Variants in CAPN13 observed in about 807,000 individuals in gnomAD.
CAPN13 encodes the protein calpain-13.
A neutral mutation model predicts 98.4 loss-of-function variants in CAPN13; 90 were observed. The observed-to-expected ratio is 0.92, with a 90% confidence interval of 0.77 to 1.09. The LOEUF is 1.09. Ranked by LOEUF, CAPN13 falls within the 50% of genes least tolerant of loss-of-function variation. The pLI is 0.00. For synonymous variants in CAPN13, 330 were observed against 305.5 expected, an observed-to-expected ratio of 1.08 and a Z score of -0.84; for missense variants, 887 against 841.3, an observed-to-expected ratio of 1.05 and a Z score of -0.67.
At chr2:30,755,434 G>A (rs1244603552) in intron 8 of CAPN13, among the ~76,000 whole-genome samples, 1 of 152,150 alleles carries the variant, frequency 6.6e-6, no homozygotes, top group Admixed American at 6.5e-5. Flanking sequence ...TTAGGTGGGT[G>A]CAAAAGTAAT....
chr2:30,800,035 T>C lies in CAPN13; in HGVS notation c.-33+7267A>G, dbSNP rs373294397. ...CTTGCAGTGAGCCGAGATTGCGCCA[T>C]TGCACTCCAGCCTGGGCTACAGAGT... On this transcript the variant is annotated intron_variant, in intron 1 of 22. Coordinates refer to ENST00000295055, the MANE Select transcript of CAPN13 (RefSeq NM_144575.3). 3.0e-4 allele frequency among the ~76,000 whole-genome samples: 45 copies of C among 149,222 alleles called. No homozygotes were observed. The East Asian group carries it at 3.8e-3, about 13-fold the overall frequency.
intron 20 of CAPN13, 116 bp downstream of exon 20, chr2:30,732,322 C>T (rs751382504): frequency 2.5e-5 from 34 of 1,347,594 alleles, no homozygotes; most frequent in Non-Finnish European, 3.3e-5. Flanking sequence ...AGGCTGCTGG[C>T]CCACCCTGCT....
intron 11 of CAPN13, among the ~76,000 whole-genome samples, chr2:30,748,127 G>T (rs1672004143): frequency 6.6e-6 from 1 of 152,218 alleles, no homozygotes; most frequent in South Asian, 2.1e-4. Context: ...TTCTGTCTTA[G>T]CTCAGAAGAA....
chr2:30,764,308 T>G lies in CAPN13; in HGVS notation c.525-2A>C. 6.2e-7 allele frequency: 1 copy of G among 1,613,088 alleles called. No individual in the cohort carries two copies. Among genetic ancestry groups the G allele is most frequent in the Non-Finnish European group, 8.5e-7 (1 of 1,179,608 alleles). On this transcript the variant is annotated splice_acceptor_variant, in intron 5 of 22. Transcript: ENST00000295055. LOFTEE classifies it high-confidence loss of function. ...AGATCGGAATAGGATCCGAGCAGCC[T>G]GGGAGGGAATGGGGGATGAACCATC...
At position 30,734,308 on chromosome 2, in the gene CAPN13, T is replaced by G. The variant is rs866695201; in HGVS notation, c.1798+141A>C. 47 of 655,644 alleles carry G rather than the reference T, an allele frequency of 7.2e-5. 1 individual carries two copies. The Middle Eastern group carries it at 1.7e-3, about 23-fold the overall frequency. The allele number at this position is 655,644 out of a possible 1,614,324, so 40.6% of individuals were successfully genotyped here. A position where few individuals can be genotyped will look rare whatever the true frequency, so the allele number is the denominator to read the frequency against. On this transcript the variant is annotated intron_variant, in intron 19 of 22. Coordinates refer to ENST00000295055, the MANE Select transcript of CAPN13 (RefSeq NM_144575.3). ...CCGTGGAGGCCCCCCAGGGTCAGTG[T>G]GAACTGGGGAGGACACGAGAGCTGC...
At chr2:30,734,970 G>A (rs1042617243) in intron 18 of CAPN13, among the ~76,000 whole-genome samples, 3 of 152,214 alleles carry the variant, frequency 2.0e-5, no homozygotes, top group African/African-American at 4.8e-5. Context: ...TAATTACAGT[G>A]CCTACCTCAC....
intron 7 of CAPN13, 135 bp from the exon 8 acceptor site, chr2:30,758,272 T>C (rs886778390): frequency 1.6e-6 from 1 of 619,078 alleles, no homozygotes; most frequent in East Asian, 3.0e-5. Flanking sequence ...AGAAAAAAAA[T>C]TGAAAGGGAA....
intron 7 of CAPN13, among the ~76,000 whole-genome samples, chr2:30,759,626 A>C (rs1454231523): frequency 6.6e-6 from 1 of 152,220 alleles, no homozygotes; most frequent in Non-Finnish European, 1.5e-5. Flanking sequence ...CGCAGGGCTC[A>C]GAGCTAGGTG....
At chr2:30,756,621 T>C (rs2681676) in intron 8 of CAPN13, among the ~76,000 whole-genome samples, 115,641 of 152,190 alleles carry the variant, frequency 0.76, 44,528 homozygotes, top group African/African-American at 0.89. Context: ...AAATCAGGGG[T>C]GCTGGCTGAT....
chr2:30,788,849 A>C (rs887364865), intron 1 of CAPN13, among the ~76,000 whole-genome samples: 21 of 152,216 alleles, frequency 1.4e-4, no homozygotes, highest in African/African-American at 5.1e-4. Context: ...TTTGGAGAGA[A>C]TTGTGCATAC....
chr2:30,778,375 G>A (rs1444445946), intron 2 of CAPN13, among the ~76,000 whole-genome samples: 1 of 152,190 alleles, frequency 6.6e-6, no homozygotes, highest in Non-Finnish European at 1.5e-5. Context: ...TCCTAAAGGG[G>A]ATCCCCAGGC....
intron 7 of CAPN13, among the ~76,000 whole-genome samples, chr2:30,759,201 T>C (rs1395673896): frequency 2.0e-5 from 3 of 148,748 alleles, no homozygotes; most frequent in Non-Finnish European, 1.5e-5. Context: ...CTCCCTTCCT[T>C]CTTTACCCCC....
Position 30,770,361 on chromosome 2 carries a change from TG to T in CAPN13, c.475del (p.His159ThrfsTer41), listed in dbSNP as rs757936403. The part of the protein sequence containing the change: ...GDKCLFVRPR[H>X]QNQEFWPCLL... ...GCAGGGCCAGAACTCTTGGTTTTGG[TG>T]GCGAGGACGCACAAAGAGGCATTTA... On this transcript the variant is annotated frameshift_variant, in exon 5 of 23. Transcript: ENST00000295055. LOFTEE classifies it high-confidence loss of function. 6.2e-7 allele frequency: 1 copy of T among 1,613,990 alleles called. No homozygotes were observed. Among genetic ancestry groups the T allele is most frequent in the South Asian group, 1.1e-5 (1 of 91,086 alleles).
intron 2 of CAPN13, among the ~76,000 whole-genome samples, chr2:30,784,752 G>A (rs1674174705): frequency 6.6e-6 from 1 of 152,142 alleles, no homozygotes. Context: ...CTAACTATAT[G>A]ACTTTGGGCA....
At chr2:30,747,976 A>G (rs918166460) in intron 11 of CAPN13, among the ~76,000 whole-genome samples, 1 of 152,226 alleles carries the variant, frequency 6.6e-6, no homozygotes, top group South Asian at 2.1e-4. Context: ...TGTCATTTTA[A>G]AAATGGGGTG....
chr2:30,779,983 G>C (rs1420547579), intron 2 of CAPN13, among the ~76,000 whole-genome samples: 3 of 152,090 alleles, frequency 2.0e-5, no homozygotes, highest in African/African-American at 7.2e-5. Flanking sequence ...ATTAAAAATT[G>C]CATTTTAGAA....
intron 11 of CAPN13, among the ~76,000 whole-genome samples, chr2:30,747,537 C>G (rs1475258744): frequency 6.6e-6 from 1 of 152,230 alleles, no homozygotes; most frequent in Non-Finnish European, 1.5e-5. Flanking sequence ...CTCATCCACC[C>G]TCATCCTTTT....
At chr2:30,770,226 C>T (rs1380271496) in intron 5 of CAPN13, 87 bp downstream of exon 5, 2 of 1,533,650 alleles carry the variant, frequency 1.3e-6, no homozygotes, top group Non-Finnish European at 1.8e-6. Context: ...GCAAAGGCTG[C>T]AATGCTCCAA....
chr2:30,762,958 A>T, intron 7 of CAPN13, 124 bp downstream of exon 7: 2 of 729,028 alleles, frequency 2.7e-6, no homozygotes, highest in East Asian at 5.7e-5. Flanking sequence ...CCACAGAGGC[A>T]AGGGCGATAT....
Sources: gnomAD v4.1 joint callset for allele counts (sites outside exome capture counted in the v4.1 genomes callset) on GRCh38, gnomAD v4.1.1 for gene constraint, MANE v1.5 for transcripts, NCBI Gene and HGNC (gene_info 2026-07-23, HGNC 2026-07-21) for gene names.